Variants in YTHDF2 observed in about 807,000 individuals in gnomAD.
YTHDF2 encodes YTH domain-containing family protein 2.
In YTHDF2, 2 loss-of-function variants were observed where a neutral mutation model predicts 50.4. The observed-to-expected ratio is 0.04, with a 90% confidence interval of 0.02 to 0.12. The LOEUF (loss-of-function observed/expected upper bound fraction) is 0.12. YTHDF2 is among the 10% of genes least tolerant of loss of function. YTHDF2 has a pLI of 1.00. For missense variants in YTHDF2, 483 were observed against 722.6 expected, an observed-to-expected ratio of 0.67 and a Z score of 3.80; for synonymous variants, 217 against 255.6, an observed-to-expected ratio of 0.85 and a Z score of 1.44.
chr1:28,758,666 G>A (rs911121493), intron 4 of YTHDF2, among the ~76,000 whole-genome samples: 1 of 152,186 alleles, frequency 6.6e-6, no homozygotes, highest in Admixed American at 6.5e-5. Context: ...AAGTAGGACC[G>A]TTTTAGTCTA....
chr1:28,757,350 A>T (rs947570007), intron 4 of YTHDF2, among the ~76,000 whole-genome samples: 1 of 152,220 alleles, frequency 6.6e-6, no homozygotes, highest in African/African-American at 2.4e-5. Context: ...GTAGGAAAAG[A>T]CAGAAAGATG....
chr1:28,757,877 G>T (rs953805131), intron 4 of YTHDF2, among the ~76,000 whole-genome samples: 1 of 151,712 alleles, frequency 6.6e-6, no homozygotes, highest in Non-Finnish European at 1.5e-5. Flanking sequence ...AGTGCTTTAG[G>T]TATAATATTT....
In YTHDF2 at chr1:28,761,166, A is replaced by G. The variant is rs969431221; in HGVS notation, c.1717-7763A>G. On this transcript the variant is annotated intron_variant, in intron 4 of 4. Coordinates refer to ENST00000373812, the MANE Select transcript of YTHDF2 (RefSeq NM_016258.3). ...TTTTTTTTTTTTGAGAGAAGGCCTC[A>G]CTTTGTCACCCAGGCTGGAGTGTAG... 6.9e-5 allele frequency among the ~76,000 whole-genome samples: 8 copies of G among 116,776 alleles called. 1 individual carries two copies. The highest frequency in any genetic ancestry group is 2.8e-4 in the African/African-American group (8 of 28,574). 76.6% of individuals were successfully genotyped at this position (116,776 alleles called of 152,430 possible). A position where few individuals can be genotyped will look rare whatever the true frequency, so the allele number is the denominator to read the frequency against.
chr1:28,767,572 G>A (rs369925831), intron 4 of YTHDF2, among the ~76,000 whole-genome samples: 1 of 151,878 alleles, frequency 6.6e-6, no homozygotes, highest in Admixed American at 6.6e-5. Context: ...GCAGTGGCAC[G>A]ATCTCGGCTC....
At chr1:28,747,067 A>G (rs1355770233) in intron 4 of YTHDF2, among the ~76,000 whole-genome samples, 1 of 151,778 alleles carries the variant, frequency 6.6e-6, no homozygotes, top group Non-Finnish European at 1.5e-5. Flanking sequence ...AGGCAACAAG[A>G]GTGAAACTCT....
chr1:28,743,633 G>A lies in YTHDF2; in HGVS notation c.1363G>A (p.Val455Ile), dbSNP rs769780788. The A allele has an allele frequency of 6.8e-6, 11 of 1,614,020 alleles. No homozygotes were observed. The highest frequency in any genetic ancestry group is 4.4e-5 in the South Asian group (4 of 91,080). ...AYRSMNGKGP[V>I]YLLFSVNGSG... is the part of the protein sequence containing the mutation. ...TCGTTCCATGAACGGGAAAGGCCCCGTTTACTTACTTTTCAGTGTCAACGG... is the reference window on the plus strand; with the variant it reads ...TCGTTCCATGAACGGGAAAGGCCCCATTTACTTACTTTTCAGTGTCAACGG... Residue 455 changes from valine to isoleucine, a missense_variant, in exon 4 of 5, where the codon GTT (valine) becomes ATT (isoleucine). By Grantham distance (29) the Val-to-Ile change is conservative. This residue lies in a region of YTHDF2 where 59 missense variants were observed against 168.9 expected (regional missense o/e 0.35). Coordinates refer to ENST00000373812, the MANE Select transcript of YTHDF2 (RefSeq NM_016258.3). This position sits in a 1 kb window ranked among gnomAD's most constrained non-coding sequence, Gnocchi z 6.9.
At chr1:28,755,998 C>T (rs1216789320) in intron 4 of YTHDF2, among the ~76,000 whole-genome samples, 1 of 152,176 alleles carries the variant, frequency 6.6e-6, no homozygotes, top group Non-Finnish European at 1.5e-5. Flanking sequence ...CAGATGACTG[C>T]AGATGCCAGT....
At chr1:28,737,738 G>T in intron 2 of YTHDF2, 56 bp downstream of exon 2, 1 of 1,601,978 alleles carries the variant, frequency 6.2e-7, no homozygotes, top group South Asian at 1.1e-5. Context: ...GGGCGGTGGG[G>T]GCGGGGTCTC....
chr1:28,737,552 G>C, intron 1 of YTHDF2, 106 bp from the exon 2 acceptor site: 1 of 1,495,142 alleles, frequency 6.7e-7, no homozygotes, highest in Non-Finnish European at 9.2e-7. Flanking sequence ...GCCTCCCCTC[G>C]GGCCTGCTCC....
In YTHDF2 at chr1:28,746,593, C is replaced by T. The variant is rs946776884; in HGVS notation, c.1716+2607C>T. 9.1e-4 allele frequency among the ~76,000 whole-genome samples: 121 copies of T among 132,504 alleles called. 2 individuals are homozygous for T. The highest frequency in any genetic ancestry group is 1.6e-3 in the Admixed American group (21 of 13,428). 86.9% of individuals were successfully genotyped at this position (132,504 alleles called of 152,430 possible). A position where few individuals can be genotyped will look rare whatever the true frequency, so the allele number is the denominator to read the frequency against. On this transcript the variant is annotated intron_variant, in intron 4 of 4. Coordinates refer to ENST00000373812, the MANE Select transcript of YTHDF2 (RefSeq NM_016258.3). ...AATCCCGTCTCTACTAAAAATACTA[C>T]AAAAAAAAAAAAAAAAATTAGCTGG...
chr1:28,737,669 T>A lies in YTHDF2; in HGVS notation c.39T>A (p.Gly13=). The A allele has an allele frequency of 6.2e-7, 1 of 1,613,674 alleles. No homozygotes were observed. Among genetic ancestry groups the A allele is most frequent in the Non-Finnish European group, 8.5e-7 (1 of 1,179,792 alleles). ...TCCTTCCCCTGCAGAGACCAAAAGG[T>A]CAAGGAAACAAAGGTAAGTCCCGCT... ...ASSLLEQRPK[G]QGNKVQNGSV... Residue 13 remains glycine (G), a synonymous_variant, in exon 2 of 5, where the codon GGT becomes GGA. Coordinates refer to ENST00000373812, the MANE Select transcript of YTHDF2 (RefSeq NM_016258.3).
chr1:28,741,856 A>G (rs1454935031), intron 3 of YTHDF2, among the ~76,000 whole-genome samples: 2 of 152,184 alleles, frequency 1.3e-5, no homozygotes, highest in Non-Finnish European at 2.9e-5. Context: ...GATTATCTCA[A>G]CACTCAGGAC....
At chr1:28,744,028 A>C (rs529166882) in intron 4 of YTHDF2, 42 bp downstream of exon 4, 1 of 1,504,376 alleles carries the variant, frequency 6.6e-7, no homozygotes. Context: ...GGAAGGAGGA[A>C]CCAGAGAGAA....
chr1:28,742,047 CT>C (rs67430325), intron 3 of YTHDF2, among the ~76,000 whole-genome samples: 203 of 143,202 alleles, frequency 1.4e-3, no homozygotes, highest in Middle Eastern at 3.6e-3. Context: ...GTGCTGCACA[CT>C]TTTTTTTTTT....
Position 28,743,419 on chromosome 1 carries a change from A to T in YTHDF2, c.1149A>T (p.Ser383=), listed in dbSNP as rs561483229. Residue 383 remains serine (S), a synonymous_variant, in exon 4 of 5, where the codon TCA becomes TCT. Coordinates refer to ENST00000373812, the MANE Select transcript of YTHDF2 (RefSeq NM_016258.3). This position sits in a 1 kb window ranked among gnomAD's most constrained non-coding sequence, Gnocchi z 6.9. ...QSQAGSGSTP[S]EPHPVLEKLR... is the part of the protein sequence containing the mutation. ...AGGCTGGTTCTGGATCTACTCCTTCAGAACCCCACCCAGTGTTGGAGAAGC... is the reference window on the plus strand; with the variant it reads ...AGGCTGGTTCTGGATCTACTCCTTCTGAACCCCACCCAGTGTTGGAGAAGC... 6.2e-7 allele frequency: 1 copy of T among 1,614,210 alleles called. No individual in the cohort carries two copies. The highest frequency in any genetic ancestry group is 1.3e-5 in the African/African-American group (1 of 75,054).
At chr1:28,745,358 T>C (rs984364751) in intron 4 of YTHDF2, among the ~76,000 whole-genome samples, 2 of 152,200 alleles carry the variant, frequency 1.3e-5, no homozygotes, top group African/African-American at 4.8e-5. Context: ...AACCAGATTA[T>C]TGAAAAGTTG....
intron 4 of YTHDF2, among the ~76,000 whole-genome samples, chr1:28,755,957 T>C (rs1477153023): frequency 1.3e-5 from 2 of 152,054 alleles, no homozygotes; most frequent in Non-Finnish European, 2.9e-5. Context: ...TATGGTAGAG[T>C]ACACTTAACT....
intron 1 of YTHDF2, 46 bp from the exon 2 acceptor site, chr1:28,737,612 C>A (rs371716103): frequency 1.2e-5 from 19 of 1,613,338 alleles, no homozygotes; most frequent in Non-Finnish European, 1.5e-5. Flanking sequence ...TTTTCCATTT[C>A]TCCTTTGGAC....
At chr1:28,755,019 C>T (rs2088016097) in intron 4 of YTHDF2, among the ~76,000 whole-genome samples, 1 of 148,692 alleles carries the variant, frequency 6.7e-6, no homozygotes. Flanking sequence ...AAACGAGATG[C>T]TTTTACAGTA....
Sources: allele counts gnomAD v4.1 joint callset (sites outside exome capture counted in the v4.1 genomes callset), GRCh38; gene constraint gnomAD v4.1.1; regional missense constraint gnomAD v4.1.1; non-coding constraint Gnocchi (gnomAD v3.1); transcripts MANE v1.5; gene names NCBI Gene and HGNC (gene_info 2026-07-23, HGNC 2026-07-21).